The following IL1B variants were observed in gnomAD, a reference collection of about 807,000 sequenced individuals.
IL1B encodes the protein interleukin 1 beta, also known as interleukin-1 beta.
In IL1B, 11 loss-of-function variants were observed where a neutral mutation model predicts 26.2. That is an observed-to-expected ratio of 0.42 (90% CI 0.26 to 0.70). The LOEUF is 0.70. Ranked by LOEUF, IL1B falls within the 30% of genes least tolerant of loss-of-function variation. The pLI is 0.25. For missense variants in IL1B, 255 were observed against 327.5 expected, an observed-to-expected ratio of 0.78 and a Z score of 1.71; for synonymous variants, 118 against 120.8, an observed-to-expected ratio of 0.98 and a Z score of 0.15.
At chr2:112,833,994 TAAAAC>T (rs3917357) in intron 3 of IL1B, among the ~76,000 whole-genome samples, 479 of 151,486 alleles carry the variant, frequency 3.2e-3, no homozygotes, top group African/African-American at 0.011. Flanking sequence ...CTCTGTCTCA[TAAAAC>T]AAAACAAAAC....
intron 3 of IL1B, chr2:112,835,260 A>G (rs3917355): frequency 5.4e-4 from 247 of 458,760 alleles, no homozygotes; most frequent in African/African-American, 4.5e-3. Flanking sequence ...TCCATCTCTT[A>G]AAAGGATAAT....
rs998844858 is a variant in IL1B, at chr2:112,832,842, C to T, written c.302-16G>A. ...AAGATAGGTTCTGAAATGTGGAGCA[C>T]ATGTTGTTTAGGTATAAAATCAGAA... On this transcript the variant is annotated splice_polypyrimidine_tract_variant and intron_variant, in intron 4 of 6. Coordinates refer to ENST00000263341, the MANE Select transcript of IL1B (RefSeq NM_000576.3). The T allele has an allele frequency of 1.2e-6, 2 of 1,614,078 alleles. No individual in the cohort carries two copies. The highest frequency in any genetic ancestry group is 1.7e-5 in the Admixed American group (1 of 60,030).
At chr2:112,836,340 A>G in intron 1 of IL1B, 96 bp from the exon 2 acceptor site, 1 of 885,628 alleles carries the variant, frequency 1.1e-6, no homozygotes, top group Non-Finnish European at 1.9e-6. Flanking sequence ...ATGCAAAGAA[A>G]TGATCTCTGA....
chr2:112,830,346 T>C lies in IL1B; in HGVS notation c.*15A>G. 6.2e-7 allele frequency: 1 copy of C among 1,608,048 alleles called. No homozygotes were observed. On this transcript the variant is annotated 3_prime_UTR_variant, in exon 7 of 7. Transcript: ENST00000263341. Reference sequence around the variant, plus strand: ...AGTCCACATTCAGCACAGGACTCTCTGGGTACAGCTCTCTTTAGGAAGACA... The same window carrying C: ...AGTCCACATTCAGCACAGGACTCTCCGGGTACAGCTCTCTTTAGGAAGACA...
At position 112,833,579 on chromosome 2, in the gene IL1B, C is replaced by T. The variant is rs367782007; in HGVS notation, c.100-4G>A. ...GGTCCAGGTCCTGGAAGGAGCACTG[C>T]GGAGAGAGCGAGGGAGGGAGCCTGG... On this transcript the variant is annotated splice_polypyrimidine_tract_variant and splice_region_variant and intron_variant, in intron 3 of 6. Transcript: ENST00000263341. 79 of 1,613,396 alleles carry T rather than the reference C, an allele frequency of 4.9e-5. No homozygotes were observed. The Middle Eastern group carries it at 4.9e-4, about 10-fold the overall frequency.
chr2:112,833,038 G>T (rs1014420923), intron 4 of IL1B: 2 of 626,646 alleles, frequency 3.2e-6, no homozygotes, highest in Non-Finnish European at 2.9e-6. Flanking sequence ...GTCTATTACT[G>T]CTCACTGTGG....
At chr2:112,835,172 A>G (rs1010531849) in intron 3 of IL1B, 4 of 294,884 alleles carry the variant, frequency 1.4e-5, no homozygotes, top group African/African-American at 8.6e-5. Context: ...ATTCTACTCA[A>G]AAGGGGTAGA....
intron 4 of IL1B, 76 bp from the exon 5 acceptor site, chr2:112,832,902 A>G: frequency 1.4e-6 from 2 of 1,455,380 alleles, no homozygotes; most frequent in South Asian, 2.3e-5. Context: ...GCAAAATTTG[A>G]TTTCTTGGAG....
rs1681954167 is a variant in IL1B, at chr2:112,830,223, A to G, written c.*138T>C. The G allele has an allele frequency of 1.4e-6, 1 of 740,424 alleles. No individual in the cohort carries two copies. The highest frequency in any genetic ancestry group is 2.4e-6 in the Non-Finnish European group (1 of 412,754). 45.9% of individuals were successfully genotyped at this position (740,424 alleles called of 1,614,324 possible). ...AGGAGATCCTCTTAGCACTACCCTAAGGCAGGCAGTTGGGCATTGGTGTAG... is the reference window on the plus strand; with the variant it reads ...AGGAGATCCTCTTAGCACTACCCTAGGGCAGGCAGTTGGGCATTGGTGTAG... On this transcript the variant is annotated 3_prime_UTR_variant, in exon 7 of 7. Transcript: ENST00000263341.
intron 2 of IL1B, 108 bp downstream of exon 2, chr2:112,836,075 A>T: frequency 9.9e-7 from 1 of 1,008,298 alleles, no homozygotes; most frequent in Non-Finnish European, 1.6e-6. Flanking sequence ...CCTGTTTGCC[A>T]CTGAAAGAGG....
intron 3 of IL1B, among the ~76,000 whole-genome samples, chr2:112,833,787 C>G (rs1190345822): frequency 6.6e-6 from 1 of 152,060 alleles, no homozygotes; most frequent in Non-Finnish European, 1.5e-5. Context: ...TAGGTCAGGA[C>G]TTCAAAACCA....
At position 112,833,528 on chromosome 2, in the gene IL1B, C is replaced by T. The variant is rs2104936063; in HGVS notation, c.147G>A (p.Gln49=). The change falls in exon 4 of 7, where the codon CAG becomes CAA. Residue 49 remains glutamine (Q), a synonymous_variant. Transcript: ENST00000263341. ...TGTAGTGGTGGTCGGAGATTCGTAG[C>T]TGGATGCCGCCATCCAGAGGGCAGA... The part of the protein sequence containing the change: ...LDLCPLDGGI[Q]LRISDHHYSK... The T allele has an allele frequency of 6.2e-7, 1 of 1,614,160 alleles. No homozygotes were observed. The highest frequency in any genetic ancestry group is 1.6e-4 in the Middle Eastern group (1 of 6,062).
At chr2:112,833,027 GGT>G in intron 4 of IL1B, 1 of 643,824 alleles carries the variant, frequency 1.6e-6, no homozygotes, top group Non-Finnish European at 2.8e-6. Flanking sequence ...TCCAGCTTCA[GGT>G]CTATTACTGC....
In IL1B at chr2:112,830,434, A is replaced by G; in HGVS notation, c.737T>C (p.Met246Thr). 3 of 1,614,112 alleles carry G rather than the reference A, an allele frequency of 1.9e-6. No individual in the cohort carries two copies. The South Asian group carries it at 3.3e-5, about 18-fold the overall frequency. The stretch of plus-strand genomic sequence containing the variant: ...TTTGGTCCCTCCCAGGAAGACGGGC[A>G]TGTTTTCTGCTTGAGAGGTGCTGAT... Reference protein sequence around the residue: ...WYISTSQAENMPVFLGGTKGG... With the variant: ...WYISTSQAENTPVFLGGTKGG... Residue 246 changes from methionine (M) to threonine (T), a missense_variant, in exon 7 of 7, where the codon ATG becomes ACG. Physicochemically the swap from Met to Thr is moderately conservative, Grantham distance 81. Transcript: ENST00000263341.
chr2:112,832,938 T>C (rs918539907), intron 4 of IL1B, 112 bp from the exon 5 acceptor site: 4 of 1,009,770 alleles, frequency 4.0e-6, no homozygotes, highest in Non-Finnish European at 6.2e-6. Flanking sequence ...ACGGTCAAAG[T>C]CTGATGACAA....
At chr2:112,832,583 C>G in intron 5 of IL1B, 79 bp downstream of exon 5, 1 of 1,435,070 alleles carries the variant, frequency 7.0e-7, no homozygotes, top group Non-Finnish European at 9.8e-7. Flanking sequence ...CTTAAATTAA[C>G]TTTCTACTTT....
In IL1B at chr2:112,830,178, G is replaced by T; in HGVS notation, c.*183C>A. On this transcript the variant is annotated 3_prime_UTR_variant, in exon 7 of 7. Coordinates refer to ENST00000263341, the MANE Select transcript of IL1B (RefSeq NM_000576.3). ...GGATTGGCCCTGAAAGGAGAGAGCT[G>T]ACTGTCCTGGCTGATGGACAGGAGA... 3.3e-6 allele frequency: 2 copies of T among 603,782 alleles called. No homozygotes were observed. The highest frequency in any genetic ancestry group is 5.9e-6 in the Non-Finnish European group (2 of 337,324). The allele number at this position is 603,782 out of a possible 1,614,324, so 37.4% of individuals were successfully genotyped here. A position where few individuals can be genotyped will look rare whatever the true frequency, so the allele number is the denominator to read the frequency against.
rs780973566 is a variant in IL1B at position 112,831,440 on chromosome 2, TC to T, written c.467-19del. ...GAACACCACTGAAGAAAGAAGGGGG[TC>T]TTGTGGTTAGGGACACAGCAGTGCA... On this transcript the variant is annotated intron_variant, in intron 5 of 6. Coordinates refer to ENST00000263341, the MANE Select transcript of IL1B (RefSeq NM_000576.3). 2 of 1,612,496 alleles carry T rather than the reference TC, an allele frequency of 1.2e-6. No homozygotes were observed. The highest frequency in any genetic ancestry group is 3.3e-5 in the Admixed American group (2 of 59,988).
chr2:112,835,152 G>T (rs1682065682), intron 3 of IL1B: 1 of 261,420 alleles, frequency 3.8e-6, no homozygotes, highest in Non-Finnish European at 7.6e-6. Context: ...ACCCCAGGTA[G>T]CAAAAAACTA....
Sources: gnomAD v4.1 joint callset for allele counts (sites outside exome capture counted in the v4.1 genomes callset) on GRCh38, gnomAD v4.1.1 for gene constraint, MANE v1.5 for transcripts, NCBI Gene and HGNC (gene_info 2026-07-23, HGNC 2026-07-21) for gene names.